THSD4: variants seen among roughly 807,000 people sequenced by gnomAD.
THSD4 encodes thrombospondin type 1 domain containing 4.
Under a neutral mutation model 119.0 loss-of-function variants are expected in THSD4, and 69 were observed. That is an observed-to-expected ratio of 0.58 (90% CI 0.48 to 0.71). The LOEUF is 0.71. THSD4 is among the 30% of genes least tolerant of loss of function. The probability of loss-of-function intolerance (pLI) is 0.00; values close to 1 mark genes in which losing one functional copy is unlikely to be tolerated. For synonymous variants in THSD4, 524 were observed against 540.4 expected (o/e 0.97, Z 0.42); for missense variants, 1,393 against 1,391.1 (o/e 1.00, Z -0.02).
At chr15:71,147,436 C>T (rs975194351) in intron 2 of THSD4, among the ~76,000 whole-genome samples, 6 of 152,280 alleles carry the variant, frequency 3.9e-5, no homozygotes, top group East Asian at 1.9e-4. Flanking sequence ...TCTTAAACCC[C>T]TGGACAGCAA....
At chr15:71,768,939 CCGCCCCG>C (rs1213698145) in intron 16 of THSD4, among the ~76,000 whole-genome samples, 4 of 143,392 alleles carry the variant, frequency 2.8e-5, no homozygotes, top group Non-Finnish European at 4.6e-5. Flanking sequence ...GCCCGGCCAG[CCGCCCCG>C]TCCGGGAGGG....
chr15:71,302,566 G>A (rs1034871089), intron 6 of THSD4, among the ~76,000 whole-genome samples: 1 of 152,252 alleles, frequency 6.6e-6, no homozygotes, highest in South Asian at 2.1e-4. Context: ...CAAGTGGAAT[G>A]GTTTTGTTGG....
intron 7 of THSD4, among the ~76,000 whole-genome samples, chr15:71,502,682 T>C (rs911113521): frequency 5.9e-5 from 9 of 152,104 alleles, no homozygotes; most frequent in African/African-American, 2.2e-4. Context: ...TATCAGATCA[T>C]AATATATTCT....
intron 6 of THSD4, among the ~76,000 whole-genome samples, chr15:71,348,678 G>T (rs997555516): frequency 1.3e-5 from 2 of 152,218 alleles, no homozygotes; most frequent in Admixed American, 1.3e-4. Context: ...TAAAACTTAT[G>T]CTTCCCAATA....
intron 15 of THSD4, among the ~76,000 whole-genome samples, chr15:71,763,517 C>T (rs191328857): frequency 3.5e-4 from 53 of 151,866 alleles, no homozygotes; most frequent in African/African-American, 1.3e-3. Context: ...TCAAGACCAG[C>T]CTGGGCAATA....
intron 3 of THSD4, among the ~76,000 whole-genome samples, chr15:71,169,330 G>C (rs2043329065): frequency 6.6e-6 from 1 of 152,140 alleles, no homozygotes; most frequent in Admixed American, 6.5e-5. Flanking sequence ...ACTGCTGGTG[G>C]GAGTTTAAAT....
chr15:71,731,229 T>G lies in THSD4; in HGVS notation c.1630+12T>G. Reference sequence around the variant, plus strand: ...CCACAGGAGACCAGGTAGAATCCCTTGTCTTGTGGCCGGGGACTCTGGTCA... The same window carrying G: ...CCACAGGAGACCAGGTAGAATCCCTGGTCTTGTGGCCGGGGACTCTGGTCA... On this transcript the variant is annotated intron_variant, in intron 10 of 17. Transcript: ENST00000261862. 6.2e-7 allele frequency: 1 copy of G among 1,612,396 alleles called. No individual in the cohort carries two copies. Among genetic ancestry groups the G allele is most frequent in the East Asian group, 2.2e-5 (1 of 44,876 alleles).
At chr15:71,398,254 A>T (rs894884522) in intron 6 of THSD4, among the ~76,000 whole-genome samples, 12 of 152,150 alleles carry the variant, frequency 7.9e-5, no homozygotes, top group Non-Finnish European at 1.3e-4. Flanking sequence ...ATGGTGGTGG[A>T]GAAGGAGCAC....
chr15:71,586,285 A>G (rs1056927415), intron 7 of THSD4, among the ~76,000 whole-genome samples: 10 of 152,162 alleles, frequency 6.6e-5, no homozygotes, highest in African/African-American at 2.4e-4. Flanking sequence ...ACACCCCTCA[A>G]TATAAATGTT....
intron 15 of THSD4, among the ~76,000 whole-genome samples, chr15:71,758,923 C>T (rs2053586920): frequency 1.3e-5 from 2 of 152,106 alleles, no homozygotes; most frequent in African/African-American, 4.8e-5. Flanking sequence ...TAAAAATGTT[C>T]CTTTGCCTTA....
chr15:71,325,790 GT>G (rs1478737529), intron 6 of THSD4, among the ~76,000 whole-genome samples: 1 of 152,076 alleles, frequency 6.6e-6, no homozygotes, highest in Admixed American at 6.5e-5. Context: ...TGACTTTTAT[GT>G]ATGACACTAA....
rs553027239 is a variant in THSD4, at chr15:71,683,321, G to C, written c.1357+22587G>C. 1.6e-4 allele frequency among the ~76,000 whole-genome samples: 25 copies of C among 152,102 alleles called. No homozygotes were observed. In the South Asian group the frequency reaches 1.9e-3, roughly 11 times the overall value. On this transcript the variant is annotated intron_variant, in intron 8 of 17. Transcript: ENST00000261862. ...TGTAAGGAAAAAAAAAATCCTATGG[G>C]TGTTTGCACGCAATTATGTTAAATT...
chr15:71,548,320 G>A (rs575489250), intron 7 of THSD4, among the ~76,000 whole-genome samples: 2 of 152,072 alleles, frequency 1.3e-5, no homozygotes, highest in African/African-American at 2.4e-5. Context: ...ATCCATCTTC[G>A]TCTTTGAAAA....
At chr15:71,553,238 A>G (rs1391359498) in intron 7 of THSD4, among the ~76,000 whole-genome samples, 2 of 151,562 alleles carry the variant, frequency 1.3e-5, no homozygotes, top group African/African-American at 2.4e-5. Flanking sequence ...TCTTGTTTCT[A>G]CCTCATGTCT....
chr15:71,515,500 G>A (rs775724954), intron 7 of THSD4, among the ~76,000 whole-genome samples: 1 of 152,142 alleles, frequency 6.6e-6, no homozygotes, highest in Admixed American at 6.5e-5. Context: ...AGTTGCTGAC[G>A]TACCCTGCCT....
rs111591107 is a variant in THSD4 at position 71,270,665 on chromosome 15, C to G, written c.1015+13950C>G. Among the ~76,000 whole-genome samples the G allele has an allele frequency of 2.9e-3, 444 of 152,236 alleles. 2 individuals carry two copies. Among genetic ancestry groups the G allele is most frequent in the African/African-American group, 0.01 (421 of 41,558 alleles). On this transcript the variant is annotated intron_variant, in intron 6 of 17. Coordinates refer to ENST00000261862, the MANE Select transcript of THSD4 (RefSeq NM_024817.3). ...CTCCAAAGTCTGGCTACAGGAATTT[C>G]TACTCATATGTATATGGAAGCCAAG...
At chr15:71,492,100 C>T (rs777809671) in intron 7 of THSD4, among the ~76,000 whole-genome samples, 6 of 151,328 alleles carry the variant, frequency 4.0e-5, no homozygotes, top group Admixed American at 6.6e-5. Context: ...GCTGTTTTCT[C>T]GGTGGTCTGT....
intron 6 of THSD4, among the ~76,000 whole-genome samples, chr15:71,368,814 C>T (rs1172981860): frequency 6.6e-6 from 1 of 152,284 alleles, no homozygotes; most frequent in East Asian, 1.9e-4. Context: ...TTTTCCAATT[C>T]TGTGAAGAAA....
intron 6 of THSD4, among the ~76,000 whole-genome samples, chr15:71,383,114 C>G (rs2046248168): frequency 6.6e-6 from 1 of 152,050 alleles, no homozygotes; most frequent in Non-Finnish European, 1.5e-5. Flanking sequence ...TTCTAGTTTG[C>G]TTATTATAAT....
Sources: allele counts gnomAD v4.1 joint callset (sites outside exome capture counted in the v4.1 genomes callset), GRCh38; gene constraint gnomAD v4.1.1; transcripts MANE v1.5; gene names NCBI Gene and HGNC (gene_info 2026-07-23, HGNC 2026-07-21).